Variants in EPB41L4A observed in about 807,000 individuals in gnomAD.
EPB41L4A encodes erythrocyte membrane protein band 4.1 like 4A.
Under a neutral mutation model 108.6 loss-of-function variants are expected in EPB41L4A, and 100 were observed. The ratio of observed to expected loss-of-function variants is 0.92; its 90% confidence interval spans 0.78 to 1.09. The LOEUF (loss-of-function observed/expected upper bound fraction) is 1.09, where lower values mean the gene tolerates loss of function less well. Ranked by LOEUF, EPB41L4A falls within the 50% of genes least tolerant of loss-of-function variation. The pLI, the probability that EPB41L4A is intolerant of heterozygous loss-of-function variation, is 0.00. For missense variants in EPB41L4A, 1,030 were observed against 842.7 expected (o/e 1.22, Z -2.75); for synonymous variants, 319 against 289.0 (o/e 1.10, Z -1.05).
At chr5:112,250,937 A>G (rs780635728) in intron 9 of EPB41L4A, among the ~76,000 whole-genome samples, 2 of 152,186 alleles carry the variant, frequency 1.3e-5, no homozygotes, top group Admixed American at 1.3e-4. Flanking sequence ...TATCATCCTC[A>G]CTTTACAGAT....
At chr5:112,178,854 AAAG>A (rs1262369644) in intron 18 of EPB41L4A, among the ~76,000 whole-genome samples, 4 of 151,982 alleles carry the variant, frequency 2.6e-5, no homozygotes, top group African/African-American at 9.7e-5. Context: ...GAAGATGAAA[AAAG>A]AAGAGCAGGT....
At chr5:112,180,147 A>G (rs911357850) in intron 18 of EPB41L4A, among the ~76,000 whole-genome samples, 5 of 152,350 alleles carry the variant, frequency 3.3e-5, no homozygotes, top group Admixed American at 2.0e-4. Flanking sequence ...TATTTTCTCA[A>G]AATTGATCTA....
At chr5:112,249,167 T>C (rs535035341) in intron 9 of EPB41L4A, 77 of 152,262 alleles carry the variant, frequency 5.1e-4, no homozygotes, top group African/African-American at 1.8e-3. Flanking sequence ...TGATGCTCCA[T>C]AGAGGTGGGG....
chr5:112,239,849 T>C (rs1698919888), intron 10 of EPB41L4A, 112 bp from the exon 11 acceptor site: 1 of 552,246 alleles, frequency 1.8e-6, no homozygotes, highest in Non-Finnish European at 3.2e-6. Flanking sequence ...TTTATAAGAA[T>C]ACTTCTCCAA....
chr5:112,222,493 T>C (rs986239119), intron 12 of EPB41L4A, among the ~76,000 whole-genome samples: 1 of 152,222 alleles, frequency 6.6e-6, no homozygotes, highest in African/African-American at 2.4e-5. Flanking sequence ...ACTGTTTTCA[T>C]GCAAGGAAAT....
chr5:112,303,917 G>C (rs1012649888), intron 2 of EPB41L4A, among the ~76,000 whole-genome samples: 1 of 152,072 alleles, frequency 6.6e-6, no homozygotes, highest in Non-Finnish European at 1.5e-5. Flanking sequence ...GGAAAGACTT[G>C]AACACACCCA....
chr5:112,234,673 T>C lies in EPB41L4A; in HGVS notation c.1048A>G (p.Lys350Glu). The C allele has an allele frequency of 6.2e-7, 1 of 1,613,764 alleles. No homozygotes were observed. The highest frequency in any genetic ancestry group is 8.5e-7 in the Non-Finnish European group (1 of 1,179,738). The change falls in exon 12 of 23, where the codon AAG (lysine) becomes GAG (glutamate). Residue 350 changes from lysine (K) to glutamate (E), a missense_variant. Lys to Glu is a moderately conservative substitution (Grantham distance 56). Transcript: ENST00000261486. ...TGTGCTATTCGCTTAGGGTAAGTCTTGCTTCGACTTCTTGTCACATTCTGA... is the reference window on the plus strand; with the variant it reads ...TGTGCTATTCGCTTAGGGTAAGTCTCGCTTCGACTTCTTGTCACATTCTGA... Reference protein sequence around the residue: ...PDQNVTRSRSKTYPKRIAQTQ... With the variant: ...PDQNVTRSRSETYPKRIAQTQ...
At chr5:112,300,782 A>C (rs1754301974) in intron 2 of EPB41L4A, among the ~76,000 whole-genome samples, 4 of 152,102 alleles carry the variant, frequency 2.6e-5, no homozygotes, top group African/African-American at 9.7e-5. Flanking sequence ...AATGCCAATT[A>C]TTCTTAGATT....
intron 1 of EPB41L4A, among the ~76,000 whole-genome samples, chr5:112,364,118 C>A (rs1758966132): frequency 6.6e-6 from 1 of 152,144 alleles, no homozygotes; most frequent in South Asian, 2.1e-4. Context: ...AACTCTGCCT[C>A]CTGGGTTAAG....
chr5:112,181,092 G>C (rs1561454474), intron 18 of EPB41L4A, among the ~76,000 whole-genome samples: 2 of 152,146 alleles, frequency 1.3e-5, no homozygotes, highest in African/African-American at 4.8e-5. Flanking sequence ...AGACCCTCTC[G>C]TATCTTGTTA....
At chr5:112,195,163 G>T (rs907373787) in intron 16 of EPB41L4A, among the ~76,000 whole-genome samples, 2 of 152,096 alleles carry the variant, frequency 1.3e-5, no homozygotes, top group African/African-American at 4.8e-5. Context: ...CCAGCCTAAA[G>T]AAGTGTAAAA....
chr5:112,230,056 T>A (rs1748771558), intron 12 of EPB41L4A, among the ~76,000 whole-genome samples: 1 of 152,110 alleles, frequency 6.6e-6, no homozygotes, highest in Non-Finnish European at 1.5e-5. Flanking sequence ...ATTATTTTGT[T>A]CCTTTTTATG....
At chr5:112,232,407 A>T (rs1353029672) in intron 12 of EPB41L4A, among the ~76,000 whole-genome samples, 1 of 152,146 alleles carries the variant, frequency 6.6e-6, no homozygotes, top group African/African-American at 2.4e-5. Flanking sequence ...TCATTACCTG[A>T]AGGGAGGCAA....
At chr5:112,255,105 C>T (rs1750981947) in intron 9 of EPB41L4A, among the ~76,000 whole-genome samples, 1 of 152,082 alleles carries the variant, frequency 6.6e-6, no homozygotes, top group African/African-American at 2.4e-5. Flanking sequence ...CTTTGGATCT[C>T]ATCAGTTGAT....
intron 2 of EPB41L4A, among the ~76,000 whole-genome samples, chr5:112,296,372 G>C (rs1455301234): frequency 6.6e-6 from 1 of 151,970 alleles, no homozygotes; most frequent in East Asian, 1.9e-4. Context: ...TTGTGGAGTT[G>C]AATTACTATA....
rs539660669 is a variant in EPB41L4A at position 112,232,128 on chromosome 5, A to G, written c.1087+2506T>C. The stretch of plus-strand genomic sequence containing the variant: ...AACCTTGTCTCAAAAAAAAAAAAAA[A>G]AGAGAGAGAGAGAGAGAGAGAGATC... On this transcript the variant is annotated intron_variant, in intron 12 of 22. Transcript: ENST00000261486. Among the ~76,000 whole-genome samples, 297 of 145,362 alleles carry G rather than the reference A, an allele frequency of 2.0e-3. 5 individuals carry two copies. The highest frequency in any genetic ancestry group is 7.1e-3 in the African/African-American group (276 of 38,900).
intron 17 of EPB41L4A, among the ~76,000 whole-genome samples, chr5:112,190,472 G>T (rs1280556391): frequency 6.6e-6 from 1 of 152,104 alleles, no homozygotes; most frequent in South Asian, 2.1e-4. Context: ...AAGAATCCTG[G>T]TGTAAAAATA....
At chr5:112,352,548 G>C (rs181128553) in intron 1 of EPB41L4A, among the ~76,000 whole-genome samples, 32 of 152,342 alleles carry the variant, frequency 2.1e-4, no homozygotes, top group African/African-American at 6.7e-4. Context: ...AGCCACAAAA[G>C]AATCAGTCTA....
intron 1 of EPB41L4A, among the ~76,000 whole-genome samples, chr5:112,309,988 C>T (rs980240760): frequency 2.0e-5 from 3 of 152,174 alleles, no homozygotes; most frequent in African/African-American, 7.2e-5. Context: ...GTTTGGAAGT[C>T]GATTCTTCCC....
Sources: gnomAD v4.1 joint callset for allele counts (sites outside exome capture counted in the v4.1 genomes callset) on GRCh38, gnomAD v4.1.1 for gene constraint, MANE v1.5 for transcripts, NCBI Gene and HGNC (gene_info 2026-07-23, HGNC 2026-07-21) for gene names.